Variants in DOCK2 observed in about 807,000 individuals in gnomAD.
DOCK2 encodes dedicator of cytokinesis 2, also known as dedicator of cytokinesis protein 2.
DOCK2 carries 87 observed loss-of-function variants against 248.9 expected under a neutral mutation model. The observed-to-expected ratio is 0.35, with a 90% confidence interval of 0.29 to 0.42. DOCK2 has a LOEUF of 0.42. DOCK2 is among the 10% of genes least tolerant of loss of function. The pLI is 1.00. For synonymous variants in DOCK2, 805 were observed against 821.6 expected (o/e 0.98, Z 0.35); for missense variants, 1,747 against 2,300.2 (o/e 0.76, Z 4.92).
chr5:169,667,133 T>G (rs751175246), intron 2 of DOCK2, among the ~76,000 whole-genome samples: 66 of 152,158 alleles, frequency 4.3e-4, no homozygotes, highest in Non-Finnish European at 7.5e-4. Context: ...ACATGAGCTT[T>G]GTGTAGGGAC....
chr5:169,702,716 C>T (rs1401334516), intron 14 of DOCK2: 1 of 157,064 alleles, frequency 6.4e-6, no homozygotes, highest in African/African-American at 2.7e-5. Flanking sequence ...TATTTATTTA[C>T]TTTTGCTTGG....
chr5:170,040,810 G>A, intron 36 of DOCK2: 3 of 459,958 alleles, frequency 6.5e-6, no homozygotes, highest in Non-Finnish European at 3.8e-6. Context: ...TCATCTCATA[G>A]GGTTGTCATA....
chr5:169,987,498 C>T (rs996573219), intron 29 of DOCK2, among the ~76,000 whole-genome samples: 2 of 152,174 alleles, frequency 1.3e-5, no homozygotes, highest in Admixed American at 6.5e-5. Flanking sequence ...GGTGAATGCA[C>T]AGATGTCCAG....
intron 25 of DOCK2, among the ~76,000 whole-genome samples, chr5:169,762,796 C>G (rs1418203475): frequency 1.3e-5 from 2 of 152,174 alleles, no homozygotes; most frequent in African/African-American, 4.8e-5. Flanking sequence ...GCAAACTGTG[C>G]AAGAAACAAA....
intron 22 of DOCK2, among the ~76,000 whole-genome samples, chr5:169,738,155 T>G (rs966156407): frequency 6.6e-6 from 1 of 152,198 alleles, no homozygotes; most frequent in Non-Finnish European, 1.5e-5. Context: ...ACAGATGTCT[T>G]CTGTGTTCAT....
At chr5:169,682,538 A>C (rs1490209551) in intron 7 of DOCK2, among the ~76,000 whole-genome samples, 1 of 152,256 alleles carries the variant, frequency 6.6e-6, no homozygotes, top group Non-Finnish European at 1.5e-5. Context: ...AAGAGTTGTG[A>C]TGTTATTCCC....
At chr5:169,668,329 A>G (rs1224906562) in intron 2 of DOCK2, among the ~76,000 whole-genome samples, 1 of 151,450 alleles carries the variant, frequency 6.6e-6, no homozygotes, top group African/African-American at 2.4e-5. Context: ...ACTTTCTGTC[A>G]CTCAAAAAGA....
At chr5:170,015,031 A>C (rs1755462171) in intron 32 of DOCK2, among the ~76,000 whole-genome samples, 1 of 152,214 alleles carries the variant, frequency 6.6e-6, no homozygotes, top group Non-Finnish European at 1.5e-5. Context: ...TTTGCTTTAA[A>C]AGTGAACAAA....
chr5:170,002,542 A>G (rs2113804143), intron 30 of DOCK2, among the ~76,000 whole-genome samples: 1 of 152,312 alleles, frequency 6.6e-6, no homozygotes, highest in East Asian at 1.9e-4. Context: ...ATGGAAAATA[A>G]CTTTCTCCCA....
intron 41 of DOCK2, among the ~76,000 whole-genome samples, chr5:170,052,411 C>T (rs1259640896): frequency 9.9e-5 from 15 of 152,192 alleles, no homozygotes; most frequent in African/African-American, 2.9e-4. Context: ...GGAGAGAGTA[C>T]GTGTTCCTGG....
intron 27 of DOCK2, among the ~76,000 whole-genome samples, chr5:169,933,433 T>TATAGAAGAG (rs1221675789): frequency 6.6e-6 from 1 of 152,254 alleles, no homozygotes; most frequent in Non-Finnish European, 1.5e-5. Flanking sequence ...GAGTGGCTGC[T>TATAGAAGAG]ATAGAAGAGC....
At chr5:169,672,651 G>A (rs1759108827) in intron 5 of DOCK2, among the ~76,000 whole-genome samples, 1 of 152,070 alleles carries the variant, frequency 6.6e-6, no homozygotes, top group Non-Finnish European at 1.5e-5. Flanking sequence ...CAGACTCCAT[G>A]GGTTTAAAGC....
chr5:169,873,087 G>A (rs190031808), intron 27 of DOCK2, among the ~76,000 whole-genome samples: 5 of 152,186 alleles, frequency 3.3e-5, no homozygotes, highest in African/African-American at 1.2e-4. Flanking sequence ...TTCAACTCGT[G>A]TAATTTTATA....
At chr5:169,650,217 C>G (rs560900266) in intron 1 of DOCK2, among the ~76,000 whole-genome samples, 1 of 152,256 alleles carries the variant, frequency 6.6e-6, no homozygotes, top group South Asian at 2.1e-4. Flanking sequence ...CTAGCACACA[C>G]TAGATGTTCA....
intron 44 of DOCK2, among the ~76,000 whole-genome samples, chr5:170,066,154 G>A (rs533544926): frequency 7.8e-4 from 118 of 152,168 alleles, no homozygotes; most frequent in Admixed American, 6.7e-3. Flanking sequence ...GTTTCACCAT[G>A]TTAGTCAGGA....
intron 27 of DOCK2, among the ~76,000 whole-genome samples, chr5:169,872,163 C>T (rs1444278817): frequency 6.6e-6 from 1 of 152,194 alleles, no homozygotes; most frequent in Non-Finnish European, 1.5e-5. Context: ...CTTGTTGGAA[C>T]ATTTCTGTGG....
intron 15 of DOCK2, among the ~76,000 whole-genome samples, chr5:169,711,100 T>G (rs1282892888): frequency 6.6e-6 from 1 of 152,212 alleles, no homozygotes; most frequent in African/African-American, 2.4e-5. Flanking sequence ...ATGGTGGACC[T>G]CCTCAGGCTC....
intron 27 of DOCK2, among the ~76,000 whole-genome samples, chr5:169,915,383 A>G (rs948221903): frequency 1.3e-5 from 2 of 152,290 alleles, no homozygotes; most frequent in African/African-American, 2.4e-5. Context: ...GTGTTTGTCT[A>G]TTTCATTTAA....
intron 27 of DOCK2, among the ~76,000 whole-genome samples, chr5:169,941,345 T>C (rs1776237599): frequency 2.0e-5 from 3 of 152,160 alleles, no homozygotes; most frequent in Admixed American, 1.3e-4. Context: ...GTAGCTGGGA[T>C]TACAGGCCTG....
Sources: allele counts gnomAD v4.1 joint callset (sites outside exome capture counted in the v4.1 genomes callset), GRCh38; gene constraint gnomAD v4.1.1; transcripts MANE v1.5; gene names NCBI Gene and HGNC (gene_info 2026-07-23, HGNC 2026-07-21).